Variants in GCNT1 observed in about 807,000 individuals in gnomAD.
GCNT1 encodes the protein beta-1,3-galactosyl-O-glycosyl-glycoprotein beta-1,6-N-acetylglucosaminyltransferase.
In GCNT1, 16 loss-of-function variants were observed where a neutral mutation model predicts 26.2. The observed-to-expected ratio is 0.61, with a 90% CI of 0.41 to 0.93. The LOEUF (loss-of-function observed/expected upper bound fraction) is 0.93. GCNT1 is among the 40% of genes least tolerant of loss of function. GCNT1 has a pLI of 0.00. For missense variants in GCNT1, 477 were observed against 526.7 expected (o/e 0.91, Z 0.92); for synonymous variants, 183 against 190.8 (o/e 0.96, Z 0.34).
intron 2 of GCNT1, among the ~76,000 whole-genome samples, chr9:76,491,922 A>G (rs1363975654): frequency 6.6e-6 from 1 of 152,108 alleles, no homozygotes; most frequent in Non-Finnish European, 1.5e-5. Flanking sequence ...TGCCATTTAC[A>G]TCATGAGTAG....
chr9:76,426,365 C>G (rs1057356705), intron 1 of GCNT1, among the ~76,000 whole-genome samples: 2 of 152,066 alleles, frequency 1.3e-5, no homozygotes, highest in Non-Finnish European at 2.9e-5. Context: ...CCCAGCAGTT[C>G]AAGACCATCC....
the GCNT1 span, among the ~76,000 whole-genome samples, chr9:76,394,935 C>T: frequency 1.3e-5 from 2 of 152,198 alleles, no homozygotes; most frequent in African/African-American, 2.4e-5. Flanking sequence ...CAGAAGCGGT[C>T]GTCCTCCAGG....
At position 76,423,655 on chromosome 9, in the gene GCNT1, C is replaced by G. The variant is rs145167458; in HGVS notation, n.38+3768C>G. On this transcript the variant is annotated intron_variant and non_coding_transcript_variant, in intron 1 of 3. Transcript: ENST00000488136. ...GCAAAATGGCATGTTTCCTGCAGAT[C>G]TGCAATGAGAAAGGAACAGATGATG... Among the ~76,000 whole-genome samples the G allele has an allele frequency of 2.6e-3, 400 of 152,320 alleles. 1 individual carries two copies. The highest frequency in any genetic ancestry group is 9.3e-3 in the African/African-American group (386 of 41,574).
intron 1 of GCNT1, among the ~76,000 whole-genome samples, chr9:76,452,444 T>C (rs1442143390): frequency 1.3e-5 from 2 of 152,188 alleles, no homozygotes; most frequent in African/African-American, 2.4e-5. Context: ...TATAAAGAAC[T>C]ACCTGAGACT....
chr9:76,401,556 AT>A, the GCNT1 span, among the ~76,000 whole-genome samples: 1 of 152,150 alleles, frequency 6.6e-6, no homozygotes, highest in Non-Finnish European at 1.5e-5. Context: ...AAGAAAACTA[AT>A]TTTTTTCCTC....
the GCNT1 span, among the ~76,000 whole-genome samples, chr9:76,404,773 C>T: frequency 6.6e-6 from 1 of 151,946 alleles, no homozygotes; most frequent in African/African-American, 2.4e-5. Context: ...TCAGGTGAGA[C>T]CCAAGCAACC....
chr9:76,421,753 G>A lies in GCNT1; in HGVS notation n.38+1866G>A, dbSNP rs11144893. Among the ~76,000 whole-genome samples, 97 of 131,436 alleles carry A rather than the reference G, an allele frequency of 7.4e-4. 3 individuals are homozygous for A. In the East Asian group the frequency reaches 0.02, roughly 28 times the overall value. The allele number at this position is 131,436 out of a possible 152,430, so 86.2% of individuals were successfully genotyped here. On this transcript the variant is annotated intron_variant and non_coding_transcript_variant, in intron 1 of 3. Transcript: ENST00000488136. ...TTGTCATCCAGGGTGAAGTGCAATGGCTCAATCACAGCTGTCTGCAGCCTC... is the reference window on the plus strand; with the variant it reads ...TTGTCATCCAGGGTGAAGTGCAATGACTCAATCACAGCTGTCTGCAGCCTC...
intron 2 of GCNT1, among the ~76,000 whole-genome samples, chr9:76,480,804 A>C (rs370708784): frequency 5.3e-4 from 80 of 152,286 alleles, no homozygotes; most frequent in African/African-American, 1.9e-3. Context: ...TGGAGAACTG[A>C]TATTTTTTCT....
rs1458296764 is a variant in GCNT1, at chr9:76,504,630, G to A, written c.*962G>A. On this transcript the variant is annotated 3_prime_UTR_variant, in exon 4 of 4. Coordinates refer to ENST00000376730, the MANE Select transcript of GCNT1 (RefSeq NM_001490.5). ...AAAGGAATGTATTTAAACAATTTCC[G>A]ATGCCCATGATGAGTTTAAAAACCA... 40 of 412,036 alleles carry A rather than the reference G, an allele frequency of 9.7e-5. No homozygotes were observed. The East Asian group carries it at 1.2e-3, about 12-fold the overall frequency. The allele number at this position is 412,036 out of a possible 1,614,324, so 25.5% of individuals were successfully genotyped here. A position where few individuals can be genotyped will look rare whatever the true frequency, so the allele number is the denominator to read the frequency against.
rs1825207201 is a variant in GCNT1, at chr9:76,505,246, CAA to C, written c.*1580_*1581del. On this transcript the variant is annotated 3_prime_UTR_variant, in exon 4 of 4. Transcript: ENST00000376730. ...ATTCAACTGAGAAAACTTTATTTGT[CAA>C]AGTCAGAAAACATTTTCATCTTATT... The C allele has an allele frequency of 3.5e-6, 1 of 284,192 alleles. No individual in the cohort carries two copies. Among genetic ancestry groups the C allele is most frequent in the African/African-American group, 2.2e-5 (1 of 45,758 alleles). The allele number at this position is 284,192 out of a possible 1,614,324, so 17.6% of individuals were successfully genotyped here.
intron 2 of GCNT1, among the ~76,000 whole-genome samples, chr9:76,482,002 GC>G (rs1458443197): frequency 6.6e-6 from 1 of 152,178 alleles, no homozygotes; most frequent in African/African-American, 2.4e-5. Context: ...GCTGTGCTTT[GC>G]CCCAGGTAAC....
chr9:76,413,882 T>G, the GCNT1 span, among the ~76,000 whole-genome samples: 4 of 152,162 alleles, frequency 2.6e-5, no homozygotes, highest in Non-Finnish European at 2.9e-5. Context: ...ATATTCTGGG[T>G]TTTTTTGTCC....
At chr9:76,405,610 T>C in the GCNT1 span, among the ~76,000 whole-genome samples, 1 of 152,202 alleles carries the variant, frequency 6.6e-6, no homozygotes, top group Admixed American at 6.5e-5. Context: ...AGTTTTGCCT[T>C]TTCCACAGTG....
At chr9:76,426,013 A>G (rs1385995375) in intron 1 of GCNT1, among the ~76,000 whole-genome samples, 1 of 152,182 alleles carries the variant, frequency 6.6e-6, no homozygotes, top group Admixed American at 6.5e-5. Context: ...GGAGGGTCAG[A>G]ATCTTGTAGC....
intron 1 of GCNT1, among the ~76,000 whole-genome samples, chr9:76,443,973 GGAAGGAAGGAAGGAA>G (rs1823528566): frequency 4.1e-5 from 5 of 121,506 alleles, no homozygotes; most frequent in African/African-American, 1.4e-4. Context: ...AAGGAAGGAA[GGAAGGAAGGAAGGAA>G]GGAAGAAAAA....
the GCNT1 span, chr9:76,394,000 C>T: frequency 2.4e-6 from 3 of 1,255,440 alleles, no homozygotes; most frequent in Non-Finnish European, 2.2e-6. Context: ...GGTCCGGAGG[C>T]CCCACGCCCC....
chr9:76,490,655 A>C (rs1372461201), intron 2 of GCNT1, among the ~76,000 whole-genome samples: 4 of 152,274 alleles, frequency 2.6e-5, no homozygotes, highest in Non-Finnish European at 5.9e-5. Flanking sequence ...ATAGTAACTT[A>C]GAATTGGTAT....
upstream of GCNT1, among the ~76,000 whole-genome samples, chr9:76,454,997 A>G (rs1232665905): frequency 2.0e-5 from 3 of 151,016 alleles, no homozygotes; most frequent in Non-Finnish European, 4.4e-5. Flanking sequence ...ACAGGCGTGC[A>G]CCACCACGCC....
chr9:76,454,786 TCCTGAG>T (rs1187186087), upstream of GCNT1, among the ~76,000 whole-genome samples: 1 of 151,760 alleles, frequency 6.6e-6, no homozygotes, highest in African/African-American at 2.4e-5. Context: ...ATTAAAAGTT[TCCTGAG>T]GCCCCCCCAG....
Sources: allele counts gnomAD v4.1 joint callset (sites outside exome capture counted in the v4.1 genomes callset), GRCh38; gene constraint gnomAD v4.1.1; transcripts MANE v1.5; gene names NCBI Gene and HGNC (gene_info 2026-07-23, HGNC 2026-07-21).